ATXN10: variants seen among roughly 807,000 people sequenced by gnomAD.
The protein encoded by ATXN10 is ataxin 10, also known as ataxin-10.
In ATXN10, 28 loss-of-function variants were observed where a neutral mutation model predicts 52.9. The observed-to-expected ratio is 0.53, with a 90% CI of 0.39 to 0.73. The LOEUF (loss-of-function observed/expected upper bound fraction) is 0.73, where lower values mean the gene tolerates loss of function less well. Among genes scored for constraint, ATXN10 ranks in the 30% least tolerant of loss-of-function variants. The pLI, the probability that ATXN10 is intolerant of heterozygous loss-of-function variation, is 0.00. For missense variants in ATXN10, 565 were observed against 577.0 expected (o/e 0.98, Z 0.21); for synonymous variants, 226 against 221.5 (o/e 1.02, Z -0.18).
chr22:45,711,170 A>G (rs184993856), intron 5 of ATXN10, among the ~76,000 whole-genome samples: 202 of 152,268 alleles, frequency 1.3e-3, no homozygotes, highest in Non-Finnish European at 2.2e-3. Context: ...ATCAAACTAA[A>G]ATACTATTCA....
intron 9 of ATXN10, among the ~76,000 whole-genome samples, chr22:45,804,216 G>T (rs1380304640): frequency 1.3e-5 from 2 of 152,124 alleles, no homozygotes; most frequent in Admixed American, 1.3e-4. Context: ...GCACTTATTA[G>T]GTCAGTGACC....
At chr22:45,735,757 CT>C (rs200047186) in intron 7 of ATXN10, among the ~76,000 whole-genome samples, 26 of 121,006 alleles carry the variant, frequency 2.1e-4, no homozygotes, top group Admixed American at 3.5e-4. Flanking sequence ...GGAGACTAAT[CT>C]TTTTTTTTTT....
chr22:45,729,417 T>A lies in ATXN10; in HGVS notation c.729-8T>A. 1.9e-6 allele frequency: 3 copies of A among 1,613,956 alleles called. No individual in the cohort carries two copies. In the Middle Eastern group the frequency reaches 4.9e-4, roughly 266 times the overall value. On this transcript the variant is annotated splice_region_variant and splice_polypyrimidine_tract_variant and intron_variant, in intron 6 of 11. Transcript: ENST00000252934. ...TAGATTCATGCAGAAATCCTTTATG[T>A]TTTACAGAGTTACACTGTTAGACCT...
chr22:45,739,360 G>T (rs1925421610), intron 8 of ATXN10, among the ~76,000 whole-genome samples: 1 of 152,134 alleles, frequency 6.6e-6, no homozygotes, highest in Non-Finnish European at 1.5e-5. Flanking sequence ...AATTCAAGTA[G>T]AACCTGTTCC....
At chr22:45,815,895 T>C (rs1486436722) in intron 10 of ATXN10, among the ~76,000 whole-genome samples, 1 of 152,182 alleles carries the variant, frequency 6.6e-6, no homozygotes, top group East Asian at 1.9e-4. Flanking sequence ...TACATCTGTG[T>C]TGGATACAAA....
In ATXN10 at chr22:45,781,938, T is replaced by C. The variant is rs761568390; in HGVS notation, c.1174-25021T>C. ...TCCAGTCTGAACAACAGAAAGAAAA[T>C]AGACTGTACAAAAAAGTTAACCAAG... On this transcript the variant is annotated intron_variant, in intron 9 of 11. Coordinates refer to ENST00000252934, the MANE Select transcript of ATXN10 (RefSeq NM_013236.4). This position sits in a 1 kb window ranked among gnomAD's most constrained non-coding sequence, Gnocchi z 4.2. Among the ~76,000 whole-genome samples the C allele has an allele frequency of 1.9e-4, 29 of 151,934 alleles. No individual in the cohort carries two copies. Among genetic ancestry groups the C allele is most frequent in the Admixed American group, 3.9e-4 (6 of 15,268 alleles).
At chr22:45,799,373 G>A (rs533028814) in intron 9 of ATXN10, among the ~76,000 whole-genome samples, 10 of 152,222 alleles carry the variant, frequency 6.6e-5, no homozygotes, top group South Asian at 4.1e-4. Context: ...ACCTTACAAC[G>A]TGACCTTATT....
chr22:45,698,029 A>G (rs985963561), intron 3 of ATXN10, among the ~76,000 whole-genome samples: 2 of 152,108 alleles, frequency 1.3e-5, no homozygotes, highest in Non-Finnish European at 2.9e-5. Flanking sequence ...GATATATCAC[A>G]TTTTGTTTAT....
Position 45,729,598 on chromosome 22 carries a change from A to T in ATXN10, c.894+8A>T. Reference sequence around the variant, plus strand: ...GAGCCTCCTGATGATGAGGTAAGGGAGGCAGATTTCCCAATCTCGGGTAAA... The same window carrying T: ...GAGCCTCCTGATGATGAGGTAAGGGTGGCAGATTTCCCAATCTCGGGTAAA... On this transcript the variant is annotated splice_region_variant and intron_variant, in intron 7 of 11. Transcript: ENST00000252934. 1.2e-6 allele frequency: 2 copies of T among 1,614,028 alleles called. No individual in the cohort carries two copies. The highest frequency in any genetic ancestry group is 1.7e-6 in the Non-Finnish European group (2 of 1,179,978).
In ATXN10 at chr22:45,763,098, T is replaced by C. The variant is rs931310326; in HGVS notation, c.1173+22560T>C. 6.6e-6 allele frequency among the ~76,000 whole-genome samples: 1 copy of C among 152,148 alleles called. No individual in the cohort carries two copies. Among genetic ancestry groups the C allele is most frequent in the Non-Finnish European group, 1.5e-5 (1 of 68,026 alleles). ...GAGTAGGAGGCTGTGGCTACAGCAT[T>C]TTCATCTGGAAGGAGGCCTAGGAAA... On this transcript the variant is annotated intron_variant, in intron 9 of 11. Transcript: ENST00000252934. This position sits in a 1 kb window ranked among gnomAD's most constrained non-coding sequence, Gnocchi z 6.9.
intron 1 of ATXN10, among the ~76,000 whole-genome samples, chr22:45,680,624 T>TA (rs1293255624): frequency 2.0e-5 from 3 of 151,282 alleles, no homozygotes; most frequent in East Asian, 1.9e-4. Flanking sequence ...CCCCGCTAAT[T>TA]AAAAATTTTT....
At chr22:45,773,445 ATTATTTATTTATTTAT>A (rs111706438) in intron 9 of ATXN10, among the ~76,000 whole-genome samples, 4 of 149,262 alleles carry the variant, frequency 2.7e-5, no homozygotes, top group Non-Finnish European at 4.4e-5. Flanking sequence ...TGAATGAAGA[ATTATTTATTTATTTAT>A]TTATTTATTT....
Position 45,678,723 on chromosome 22 carries a change from A to G in ATXN10, c.116+6544A>G, listed in dbSNP as rs1013596984. On this transcript the variant is annotated intron_variant, in intron 1 of 11. Transcript: ENST00000252934. This position sits in a 1 kb window ranked among gnomAD's most constrained non-coding sequence, Gnocchi z 4.1. ...CAGTGAGCCAATCAGTAATTACTCA[A>G]ATTGCTAAAATGCTATTGATTAGTT... 7 of 152,216 alleles carry G rather than the reference A, an allele frequency of 4.6e-5. No individual in the cohort carries two copies. The highest frequency in any genetic ancestry group is 3.4e-3 in the Middle Eastern group (1 of 294). The allele number at this position is 152,216 out of a possible 1,614,324, so 9.4% of individuals were successfully genotyped here. A position where few individuals can be genotyped will look rare whatever the true frequency, so the allele number is the denominator to read the frequency against.
At chr22:45,711,981 A>G (rs1924267152) in intron 5 of ATXN10, among the ~76,000 whole-genome samples, 1 of 152,224 alleles carries the variant, frequency 6.6e-6, no homozygotes, top group African/African-American at 2.4e-5. Flanking sequence ...GAAATGTTGT[A>G]TGGAATACTT....
At chr22:45,720,685 G>A (rs1462948938) in intron 6 of ATXN10, among the ~76,000 whole-genome samples, 1 of 152,170 alleles carries the variant, frequency 6.6e-6, no homozygotes, top group Non-Finnish European at 1.5e-5. Context: ...ACTGAAAAGA[G>A]GAAGTTTGGG....
chr22:45,803,485 C>G (rs1323766839), intron 9 of ATXN10, among the ~76,000 whole-genome samples: 1 of 152,180 alleles, frequency 6.6e-6, no homozygotes, highest in African/African-American at 2.4e-5. Context: ...GCCAAACAAA[C>G]TATGAGCGTG....
chr22:45,799,294 A>AC (rs1314758788), intron 9 of ATXN10, among the ~76,000 whole-genome samples: 3 of 152,290 alleles, frequency 2.0e-5, no homozygotes, highest in Admixed American at 2.0e-4. Flanking sequence ...AATGCAAAAG[A>AC]CCTAGAATAG....
At chr22:45,776,505 C>CTT (rs745990618) in intron 9 of ATXN10, among the ~76,000 whole-genome samples, 3 of 143,380 alleles carry the variant, frequency 2.1e-5, no homozygotes, top group Non-Finnish European at 3.1e-5. Flanking sequence ...TCCCTGATAC[C>CTT]TTTTTTTTTT....
At chr22:45,756,169 A>G (rs943609276) in intron 9 of ATXN10, among the ~76,000 whole-genome samples, 8 of 152,088 alleles carry the variant, frequency 5.3e-5, no homozygotes, top group African/African-American at 1.9e-4. Context: ...TTAAAGAGAC[A>G]AGGTTGTGCT....
Sources: gnomAD v4.1 joint callset for allele counts (sites outside exome capture counted in the v4.1 genomes callset) on GRCh38, gnomAD v4.1.1 for gene constraint, Gnocchi (gnomAD v3.1) non-coding constraint, MANE v1.5 for transcripts, NCBI Gene and HGNC (gene_info 2026-07-23, HGNC 2026-07-21) for gene names.